SYN1: variants seen among roughly 807,000 people sequenced by gnomAD.
SYN1 encodes synapsin I.
In SYN1, 8 loss-of-function variants were observed where a neutral mutation model predicts 44.6. The observed-to-expected ratio is 0.18, with a 90% CI of 0.11 to 0.32. The LOEUF (loss-of-function observed/expected upper bound fraction) is 0.32, where lower values mean the gene tolerates loss of function less well. SYN1 is among the 10% of genes least tolerant of loss of function. The pLI is 1.00. For synonymous variants in SYN1, 275 were observed against 280.1 expected, an observed-to-expected ratio of 0.98 and a Z score of 0.18; for missense variants, 451 against 639.4, an observed-to-expected ratio of 0.71 and a Z score of 3.18.
chrX:47,617,282 A>C (rs2057934087), intron 1 of SYN1, among the ~76,000 whole-genome samples: 1 of 110,946 alleles, frequency 9.0e-6, no homozygotes, highest in Non-Finnish European at 1.9e-5. Flanking sequence ...CTAGAGAGAG[A>C]GCTCTTGAGG....
rs1385282488 is a variant in SYN1, at chrX:47,573,987, T to C, written c.1982+15A>G. The C allele has an allele frequency of 2.7e-6, 3 of 1,123,958 alleles. No individual in the cohort carries two copies. In the African/African-American group the frequency reaches 5.6e-5, roughly 21 times the overall value. The allele number at this position is 1,123,958 out of a possible 1,213,427, so 92.6% of individuals were successfully genotyped here. On this transcript the variant is annotated intron_variant, in intron 12 of 12. Coordinates refer to ENST00000295987, the MANE Select transcript of SYN1 (RefSeq NM_006950.3). ...GTGAGCAGCAAGGCGAAGGCTGCTG[T>C]AGGGGTCCCCTTACTTGAGCTGGGG...
intron 5 of SYN1, chrX:47,586,589 C>T (rs919546295): frequency 5.8e-6 from 7 of 1,210,726 alleles, no homozygotes; most frequent in Non-Finnish European, 6.7e-6. Context: ...CGGACCAGCT[C>T]CTCCAAGGCT....
Position 47,577,486 on chromosome X carries a change from A to G in SYN1, c.790T>C (p.Tyr264His). Residue 264 changes from tyrosine (Y) to histidine (H), a missense_variant, in exon 6 of 13, where the codon TAC becomes CAC. Physicochemically the swap from Tyr to His is moderately conservative, Grantham distance 83. Transcript: ENST00000295987. The part of the protein sequence containing the change: ...NHKEMLSSTT[Y>H]PVVVKMGHAH... Reference sequence around the variant, plus strand: ...TGCCCCATCTTCACAACCACGGGGTACGTTGTACTGCTGAGCTGGTGGGGA... The same window carrying G: ...TGCCCCATCTTCACAACCACGGGGTGCGTTGTACTGCTGAGCTGGTGGGGA... 8.3e-7 allele frequency: 1 copy of G among 1,205,898 alleles called. No individual in the cohort carries two copies. The highest frequency in any genetic ancestry group is 2.2e-5 in the Admixed American group (1 of 45,579).
At chrX:47,586,767 A>T in intron 5 of SYN1, 1 of 1,113,514 alleles carries the variant, frequency 9.0e-7, no homozygotes, top group Non-Finnish European at 1.2e-6. Flanking sequence ...CCGGACAATG[A>T]AATAAAGAGT....
At position 47,574,754 on chromosome X, in the gene SYN1, G is replaced by A; in HGVS notation, c.1327C>T (p.Pro443Ser). ...HGQTPSPGAL[P>S]LGRQTSQQPA... is the part of the protein sequence containing the mutation. The stretch of plus-strand genomic sequence containing the variant: ...TGCTGGGAGGTCTGGCGGCCCAAGG[G>A]CAGGGCCCCTGGGGACGGAGTCTGC... The change falls in exon 11 of 13, where the codon CCC (proline) becomes TCC (serine). Residue 443 changes from proline (P) to serine (S), a missense_variant. This residue lies in a region of SYN1 where 315 missense variants were observed against 451.4 expected (regional missense o/e 0.70). Coordinates refer to ENST00000295987, the MANE Select transcript of SYN1 (RefSeq NM_006950.3). 8.4e-7 allele frequency: 1 copy of A among 1,188,976 alleles called. No homozygotes were observed. Among genetic ancestry groups the A allele is most frequent in the Non-Finnish European group, 1.1e-6 (1 of 884,493 alleles).
chrX:47,617,806 A>T (rs1302981212), intron 1 of SYN1, among the ~76,000 whole-genome samples: 16 of 112,370 alleles, frequency 1.4e-4, no homozygotes, highest in African/African-American at 4.5e-4. Context: ...TTGGAAGAAA[A>T]GGTCTTTGGG....
intron 5 of SYN1, among the ~76,000 whole-genome samples, chrX:47,590,490 G>T (rs2057844206): frequency 8.9e-6 from 1 of 112,348 alleles, no homozygotes; most frequent in African/African-American, 3.2e-5. Context: ...AGTCCGTAGT[G>T]TTCTGAGTCT....
chrX:47,604,787 AT>A lies in SYN1; in HGVS notation c.774+190del. On this transcript the variant is annotated intron_variant, in intron 5 of 12. Transcript: ENST00000295987. ...CAGGATCTGATACATATTAGAATGGATCATGATTTAGTTTTCCTTGTAAGCA... is the reference window on the plus strand; with the variant it reads ...CAGGATCTGATACATATTAGAATGGACATGATTTAGTTTTCCTTGTAAGCA... 1.7e-5 allele frequency: 8 copies of A among 471,390 alleles called. No individual in the cohort carries two copies. In the South Asian group the frequency reaches 2.4e-4, roughly 14 times the overall value. The allele number at this position is 471,390 out of a possible 1,213,427, so 38.8% of individuals were successfully genotyped here. A position where few individuals can be genotyped will look rare whatever the true frequency, so the allele number is the denominator to read the frequency against.
Position 47,576,556 on chromosome X carries a change from T to C in SYN1, c.922A>G (p.Ile308Val). ...TKTYATAEPF[I>V]DAKYDVRVQK... ...ACACGCACGTCATATTTGGCATCGATGAAGGGCTCGGCAGTGGCATACGTC... is the reference window on the plus strand; with the variant it reads ...ACACGCACGTCATATTTGGCATCGACGAAGGGCTCGGCAGTGGCATACGTC... Residue 308 changes from isoleucine to valine, a missense_variant, in exon 7 of 13, where the codon ATC (isoleucine) becomes GTC (valine). Physicochemically the swap from Ile to Val is conservative, Grantham distance 29 (BLOSUM62 3). This residue lies in a region of SYN1 where 315 missense variants were observed against 451.4 expected (regional missense o/e 0.70). Coordinates refer to ENST00000295987, the MANE Select transcript of SYN1 (RefSeq NM_006950.3). 2.5e-6 allele frequency: 3 copies of C among 1,211,755 alleles called. No individual in the cohort carries two copies. Among genetic ancestry groups the C allele is most frequent in the Non-Finnish European group, 3.3e-6 (3 of 895,559 alleles).
intron 1 of SYN1, among the ~76,000 whole-genome samples, chrX:47,616,467 A>T (rs900702517): frequency 1.3e-4 from 15 of 111,878 alleles, no homozygotes; most frequent in South Asian, 7.4e-4. Flanking sequence ...GAAAGAAGGA[A>T]GCAGACGCAA....
In SYN1 at chrX:47,576,370, A is replaced by G; in HGVS notation, c.1017T>C (p.Thr339=). 1 of 1,211,826 alleles carries G rather than the reference A, an allele frequency of 8.3e-7. No individual in the cohort carries two copies. The highest frequency in any genetic ancestry group is 1.1e-6 in the Non-Finnish European group (1 of 895,524). The change falls in exon 8 of 13, where the codon ACT becomes ACC. Residue 339 remains threonine, a synonymous_variant. Transcript: ENST00000295987. The stretch of plus-strand genomic sequence containing the variant: ...CAATTTGCTCCAGCATCGCAGAGCC[A>G]GTATTGGTCTTCCAGTTCCCTGACA... The part of the protein sequence containing the change: ...TSVSGNWKTN[T]GSAMLEQIAM...
In SYN1 at chrX:47,605,106, C is replaced by A. The variant is rs10127312; in HGVS notation, c.685-39G>T. 3,757 of 1,200,738 alleles carry A rather than the reference C, an allele frequency of 3.1e-3. 100 individuals are homozygous for A. In the African/African-American group the frequency reaches 0.058, roughly 19 times the overall value. ...GAGAGCTGGGTCAGTGAGTCCTTCA[C>A]CACGAATCTGTAAGTTTCTGAACAC... On this transcript the variant is annotated intron_variant, in intron 4 of 12. Transcript: ENST00000295987.
rs2057940468 is a variant in SYN1, at chrX:47,619,334, T to C, written c.377+18A>G. ...TGGGGACCCAGGCCCACGGGAGACG[T>C]CCGCGGCAGTGGCTTACCAGTCGGT... On this transcript the variant is annotated intron_variant, in intron 1 of 12. Transcript: ENST00000295987. 1 of 1,200,362 alleles carries C rather than the reference T, an allele frequency of 8.3e-7. No individual in the cohort carries two copies. The highest frequency in any genetic ancestry group is 1.1e-6 in the Non-Finnish European group (1 of 894,306).
In SYN1 at chrX:47,576,788, C is replaced by T. The variant is rs771866733; in HGVS notation, c.838-148G>A. ...ACATGCCAAGGCGCTCAAGCAGGCA[C>T]GATCATGGGTCTCCTGTTTTGTATG... On this transcript the variant is annotated intron_variant, in intron 6 of 12. Transcript: ENST00000295987. 8.6e-4 allele frequency: 607 copies of T among 705,261 alleles called. 1 individual carries two copies. The highest frequency in any genetic ancestry group is 1.1e-3 in the Non-Finnish European group (513 of 465,243). The allele number at this position is 705,261 out of a possible 1,213,427, so 58.1% of individuals were successfully genotyped here. A position where few individuals can be genotyped will look rare whatever the true frequency, so the allele number is the denominator to read the frequency against.
At chrX:47,602,132 C>T (rs773516068) in intron 5 of SYN1, among the ~76,000 whole-genome samples, 5 of 112,204 alleles carry the variant, frequency 4.5e-5, no homozygotes, top group Non-Finnish European at 9.4e-5. Flanking sequence ...ATTTCATTCT[C>T]ACACCAACTA....
At chrX:47,583,327 G>C in intron 5 of SYN1, 1 of 967,405 alleles carries the variant, frequency 1.0e-6, no homozygotes, top group Non-Finnish European at 1.4e-6. Context: ...AGGCTGCCCC[G>C]GGGCAAGATG....
chrX:47,579,800 A>G (rs771114264), intron 5 of SYN1, among the ~76,000 whole-genome samples: 1 of 109,640 alleles, frequency 9.1e-6, no homozygotes, highest in African/African-American at 3.3e-5. Context: ...TTTCATAATC[A>G]GCTCCTACAG....
chrX:47,577,077 G>T (rs1169087677), intron 6 of SYN1, among the ~76,000 whole-genome samples: 1 of 110,896 alleles, frequency 9.0e-6, no homozygotes, highest in Non-Finnish European at 1.9e-5. Context: ...TGGATGTAAA[G>T]CACACAGGAC....
chrX:47,610,225 G>A (rs771603683), intron 1 of SYN1, among the ~76,000 whole-genome samples: 2 of 111,147 alleles, frequency 1.8e-5, no homozygotes, highest in Non-Finnish European at 3.8e-5. Context: ...CTCAGGCCCA[G>A]CACATCTCCT....
Sources: allele counts gnomAD v4.1 joint callset (sites outside exome capture counted in the v4.1 genomes callset), GRCh38; gene constraint gnomAD v4.1.1; regional missense constraint gnomAD v4.1.1; transcripts MANE v1.5; gene names NCBI Gene and HGNC (gene_info 2026-07-23, HGNC 2026-07-21).